The following TRDN variants were observed in gnomAD, a reference collection of about 807,000 sequenced individuals.
TRDN encodes triadin in skeletal muscle.
TRDN carries 161 observed loss-of-function variants against 149.7 expected under a neutral mutation model. That is an observed-to-expected ratio of 1.08 (90% CI 0.95 to 1.23). The LOEUF (loss-of-function observed/expected upper bound fraction) is 1.23, where lower values mean the gene tolerates loss of function less well. TRDN is among the 50% of genes most tolerant of loss of function. The pLI, the probability that TRDN is intolerant of heterozygous loss-of-function variation, is 0.00. For missense variants in TRDN, 896 were observed against 823.5 expected (o/e 1.09, Z -1.08); for synonymous variants, 294 against 250.5 (o/e 1.17, Z -1.64).
intron 9 of TRDN, among the ~76,000 whole-genome samples, chr6:123,487,076 T>G (rs1778005477): frequency 6.6e-6 from 1 of 151,884 alleles, no homozygotes; most frequent in African/African-American, 2.4e-5. Flanking sequence ...TAATAGTCAT[T>G]ATATATGTGC....
At chr6:123,437,309 C>G (rs1774618350) in intron 12 of TRDN, 1 of 283,030 alleles carries the variant, frequency 3.5e-6, no homozygotes, top group South Asian at 3.7e-5. Flanking sequence ...TCTCCCTTTT[C>G]TTAGAGCATT....
At chr6:123,239,574 C>T (rs998238893) in intron 38 of TRDN, among the ~76,000 whole-genome samples, 8 of 151,644 alleles carry the variant, frequency 5.3e-5, no homozygotes, top group African/African-American at 1.7e-4. Flanking sequence ...AATTGGAGTT[C>T]GGTTAAATAA....
intron 34 of TRDN, 28 bp downstream of exon 34, chr6:123,260,584 T>A (rs1776728620): frequency 6.8e-7 from 1 of 1,473,908 alleles, no homozygotes; most frequent in Non-Finnish European, 9.0e-7. Context: ...AACTGTATCT[T>A]ATCTCCTCTG....
At chr6:123,624,926 A>G (rs1394073272) in intron 1 of TRDN, among the ~76,000 whole-genome samples, 3 of 152,152 alleles carry the variant, frequency 2.0e-5, no homozygotes, top group Non-Finnish European at 2.9e-5. Flanking sequence ...CTTTTATAGT[A>G]TTATAGCAAC....
At chr6:123,472,515 G>A (rs376559248) in intron 9 of TRDN, among the ~76,000 whole-genome samples, 179 of 152,318 alleles carry the variant, frequency 1.2e-3, no homozygotes, top group African/African-American at 3.9e-3. Context: ...AGGGGCGCCC[G>A]CCATTGCCCA....
intron 35 of TRDN, among the ~76,000 whole-genome samples, chr6:123,258,803 C>T (rs1274529870): frequency 2.6e-5 from 4 of 152,104 alleles, no homozygotes; most frequent in African/African-American, 9.7e-5. Flanking sequence ...TTAATTACTG[C>T]CTCAATTCCA....
intron 21 of TRDN, among the ~76,000 whole-genome samples, chr6:123,339,096 C>G (rs927786412): frequency 2.6e-5 from 4 of 151,774 alleles, no homozygotes; most frequent in Non-Finnish European, 5.9e-5. Context: ...CACTGAAATC[C>G]CAGGTTCAAG....
intron 20 of TRDN, among the ~76,000 whole-genome samples, chr6:123,363,445 T>C (rs1254310423): frequency 2.0e-5 from 3 of 152,220 alleles, no homozygotes; most frequent in African/African-American, 7.2e-5. Context: ...TCAAAACAGC[T>C]ATGGTTGCTT....
intron 38 of TRDN, among the ~76,000 whole-genome samples, chr6:123,248,693 C>T (rs752657924): frequency 2.0e-5 from 3 of 152,068 alleles, no homozygotes; most frequent in Admixed American, 6.6e-5. Flanking sequence ...AGGACCTGAA[C>T]AGACCAACTG....
At chr6:123,591,180 A>C (rs940813962) in intron 1 of TRDN, among the ~76,000 whole-genome samples, 5 of 152,208 alleles carry the variant, frequency 3.3e-5, no homozygotes. Flanking sequence ...TTGTGAGAAA[A>C]AATATATATT....
At chr6:123,272,702 A>G (rs1777243943) in intron 29 of TRDN, among the ~76,000 whole-genome samples, 2 of 151,950 alleles carry the variant, frequency 1.3e-5, no homozygotes, top group South Asian at 4.1e-4. Flanking sequence ...CATTCATCTA[A>G]GTGCTGGGTG....
chr6:123,426,736 G>T (rs1774134777), intron 12 of TRDN, among the ~76,000 whole-genome samples: 1 of 151,894 alleles, frequency 6.6e-6, no homozygotes, highest in Non-Finnish European at 1.5e-5. Flanking sequence ...CATCATTTTT[G>T]ACCTTATATT....
intron 4 of TRDN, among the ~76,000 whole-genome samples, chr6:123,538,082 T>G (rs1259978795): frequency 6.6e-6 from 1 of 152,218 alleles, no homozygotes; most frequent in African/African-American, 2.4e-5. Flanking sequence ...GCAATCATCC[T>G]GATTCTTTTA....
chr6:123,618,472 G>A (rs1228976069), intron 1 of TRDN, among the ~76,000 whole-genome samples: 1 of 151,974 alleles, frequency 6.6e-6, no homozygotes, highest in Non-Finnish European at 1.5e-5. Context: ...GATAATTCAG[G>A]GTCCTCTCTC....
At chr6:123,377,811 G>A in intron 17 of TRDN, 55 bp downstream of exon 17, 1 of 1,602,040 alleles carries the variant, frequency 6.2e-7, no homozygotes, top group Non-Finnish European at 8.5e-7. Flanking sequence ...GTATTCAATT[G>A]CAAATCAAAT....
chr6:123,400,650 AC>A (rs1049749664), intron 12 of TRDN, among the ~76,000 whole-genome samples: 3 of 151,918 alleles, frequency 2.0e-5, no homozygotes, highest in African/African-American at 7.3e-5. Context: ...GGGTTTGGGG[AC>A]CCGTGCTCTA....
intron 23 of TRDN, among the ~76,000 whole-genome samples, chr6:123,318,123 A>G (rs1779101261): frequency 1.3e-5 from 2 of 152,018 alleles, no homozygotes; most frequent in Non-Finnish European, 2.9e-5. Flanking sequence ...AGTCTACAAT[A>G]CACAATTCTC....
chr6:123,398,815 A>G lies in TRDN; in HGVS notation c.1052-5138T>C, dbSNP rs141548713. Among the ~76,000 whole-genome samples the G allele has an allele frequency of 3.6e-3, 556 of 152,360 alleles. 8 individuals are homozygous for G. Among genetic ancestry groups the G allele is most frequent in the Admixed American group, 0.031 (468 of 15,308 alleles). On this transcript the variant is annotated intron_variant, in intron 12 of 40. Coordinates refer to ENST00000334268, the MANE Select transcript of TRDN (RefSeq NM_006073.4). ...AAGAAGGGCCTATTTGCAGCCAGAT[A>G]TGCAAATTGCAAAAGGTGCACAATG...
rs539537886 is a variant in TRDN, at chr6:123,246,040, G to A, written c.1975+6372C>T. Among the ~76,000 whole-genome samples the A allele has an allele frequency of 4.6e-5, 7 of 152,266 alleles. No individual in the cohort carries two copies. The South Asian group carries it at 1.2e-3, about 27-fold the overall frequency. On this transcript the variant is annotated intron_variant, in intron 38 of 40. Transcript: ENST00000334268. ...AATAAATGAGTTCTTTGGCAGCAGT[G>A]AGAATGAAGACACAATGTACCAGAA...
Sources: gnomAD v4.1 joint callset for allele counts (sites outside exome capture counted in the v4.1 genomes callset) on GRCh38, gnomAD v4.1.1 for gene constraint, MANE v1.5 for transcripts, NCBI Gene and HGNC (gene_info 2026-07-23, HGNC 2026-07-21) for gene names.